CSMD1: variants seen among roughly 807,000 people sequenced by gnomAD.
CSMD1 encodes CUB and Sushi multiple domains 1.
In CSMD1, 213 loss-of-function variants were observed where a neutral mutation model predicts 417.5. That is an observed-to-expected ratio of 0.51 (90% confidence interval 0.46 to 0.57). The LOEUF (loss-of-function observed/expected upper bound fraction) is 0.57. CSMD1 is among the 20% of genes least tolerant of loss of function. The pLI is 0.00. For synonymous variants in CSMD1, 2,862 were observed against 1,736.8 expected (o/e 1.65, Z -16.11); for missense variants, 6,923 against 4,529.7 (o/e 1.53, Z -15.17).
chr8:3,823,385 A>C (rs1055250514), intron 5 of CSMD1, among the ~76,000 whole-genome samples: 1 of 152,188 alleles, frequency 6.6e-6, no homozygotes, highest in Non-Finnish European at 1.5e-5. Context: ...GGAAAGTTAA[A>C]TACTGTTAGA....
chr8:4,909,465 C>A lies in CSMD1; in HGVS notation c.85+84867G>T, dbSNP rs538960314. 9.2e-5 allele frequency among the ~76,000 whole-genome samples: 14 copies of A among 152,266 alleles called. No individual in the cohort carries two copies. The South Asian group carries it at 2.9e-3, about 32-fold the overall frequency. The stretch of plus-strand genomic sequence containing the variant: ...GGGTCTGTCTGACATGGAAGTAACA[C>A]CCTTCCCTGATAACCTTCTAGCAGA... On this transcript the variant is annotated intron_variant, in intron 1 of 69. Coordinates refer to ENST00000635120, the MANE Select transcript of CSMD1 (RefSeq NM_033225.6).
chr8:3,371,100 G>A lies in CSMD1; in HGVS notation c.2783-1730C>T, dbSNP rs977697912. On this transcript the variant is annotated intron_variant, in intron 18 of 69. Transcript: ENST00000635120. ...ATCAGACCCAGAACATACATCTTCA[G>A]CTCCCCTGGTTCCCAGGTCTTCAGT... Among the ~76,000 whole-genome samples the A allele has an allele frequency of 7.2e-5, 11 of 152,256 alleles. No individual in the cohort carries two copies. The East Asian group carries it at 1.7e-3, about 24-fold the overall frequency.
At chr8:3,215,223 T>C (rs746527441) in intron 29 of CSMD1, among the ~76,000 whole-genome samples, 4 of 152,234 alleles carry the variant, frequency 2.6e-5, no homozygotes, top group South Asian at 2.1e-4. Flanking sequence ...AAGATGAAGA[T>C]GGATGCTTGT....
intron 5 of CSMD1, among the ~76,000 whole-genome samples, chr8:3,844,430 C>A (rs1339337967): frequency 6.6e-6 from 1 of 152,186 alleles, no homozygotes; most frequent in East Asian, 1.9e-4. Context: ...AGAACCTTTA[C>A]ACTATGATCC....
chr8:3,481,372 C>A (rs925820494), intron 11 of CSMD1, among the ~76,000 whole-genome samples: 2 of 152,064 alleles, frequency 1.3e-5, no homozygotes, highest in Non-Finnish European at 2.9e-5. Flanking sequence ...ATTGAAACAA[C>A]AATTAGAACA....
intron 42 of CSMD1, chr8:3,113,395 T>G (rs772932145): frequency 6.6e-6 from 1 of 152,288 alleles, no homozygotes; most frequent in African/African-American, 2.4e-5. Context: ...AGAGCGTTGC[T>G]GGGCAAGACA....
chr8:3,903,920 A>T (rs1415879468), intron 5 of CSMD1, among the ~76,000 whole-genome samples: 5 of 152,014 alleles, frequency 3.3e-5, no homozygotes, highest in Non-Finnish European at 7.4e-5. Context: ...ACTACCATGT[A>T]CCTCTTTGGT....
chr8:3,560,011 G>C (rs73505748), intron 10 of CSMD1, among the ~76,000 whole-genome samples: 18 of 152,076 alleles, frequency 1.2e-4, no homozygotes, highest in Non-Finnish European at 2.1e-4. Context: ...AGTGGCCAGC[G>C]TAAGGGATTT....
chr8:4,794,254 A>C (rs1306498370), intron 1 of CSMD1, among the ~76,000 whole-genome samples: 1 of 152,088 alleles, frequency 6.6e-6, no homozygotes, highest in Non-Finnish European at 1.5e-5. Flanking sequence ...ATTTTGAAAA[A>C]TCCCACATTG....
chr8:4,894,670 CTTGAT>C lies in CSMD1; in HGVS notation c.85+99657_85+99661del, dbSNP rs1268221876. Reference sequence around the variant, plus strand: ...CAAAGGGATTTTAATGTGTTTCATTCTTGATTTAAGTCAAGTTATCTGAAAGACTG... The same window carrying C: ...CAAAGGGATTTTAATGTGTTTCATTCTTAAGTCAAGTTATCTGAAAGACTG... On this transcript the variant is annotated intron_variant, in intron 1 of 69. Coordinates refer to ENST00000635120, the MANE Select transcript of CSMD1 (RefSeq NM_033225.6). Among the ~76,000 whole-genome samples, 13 of 150,856 alleles carry C rather than the reference CTTGAT, an allele frequency of 8.6e-5. No individual in the cohort carries two copies. In the East Asian group the frequency reaches 9.8e-4, roughly 11 times the overall value.
chr8:4,911,592 G>A (rs183252538), intron 1 of CSMD1, among the ~76,000 whole-genome samples: 41 of 152,262 alleles, frequency 2.7e-4, no homozygotes, highest in Non-Finnish European at 5.3e-4. Context: ...GGATCTCAGA[G>A]CTCTCCTGAC....
chr8:4,111,954 C>G (rs1801879471), intron 3 of CSMD1, among the ~76,000 whole-genome samples: 1 of 151,654 alleles, frequency 6.6e-6, no homozygotes, highest in South Asian at 2.1e-4. Context: ...AGCACAGTCT[C>G]TGTAATTTTA....
chr8:4,000,916 A>C (rs1815621776), intron 4 of CSMD1, among the ~76,000 whole-genome samples: 1 of 152,142 alleles, frequency 6.6e-6, no homozygotes, highest in Non-Finnish European at 1.5e-5. Flanking sequence ...ATCAAAGTCC[A>C]CGTTACCAAA....
chr8:3,867,068 C>G (rs1279219521), intron 5 of CSMD1, among the ~76,000 whole-genome samples: 2 of 152,066 alleles, frequency 1.3e-5, no homozygotes, highest in African/African-American at 2.4e-5. Flanking sequence ...TTTACTTTTC[C>G]AACCAGTTTT....
At chr8:3,769,686 T>C (rs2129058442) in intron 5 of CSMD1, among the ~76,000 whole-genome samples, 1 of 152,326 alleles carries the variant, frequency 6.6e-6, no homozygotes, top group South Asian at 2.1e-4. Flanking sequence ...ATATATGATG[T>C]GTGAATTCTG....
chr8:3,091,706 A>C, intron 47 of CSMD1, 44 bp from the exon 48 acceptor site: 1 of 1,573,200 alleles, frequency 6.4e-7, no homozygotes. Context: ...ATGAGTGAGC[A>C]CCTACCAAAT....
chr8:3,997,245 C>G (rs996396341), intron 5 of CSMD1, among the ~76,000 whole-genome samples: 1 of 152,208 alleles, frequency 6.6e-6, no homozygotes, highest in African/African-American at 2.4e-5. Context: ...TCAAATGGCA[C>G]TTATGGACAC....
chr8:3,732,916 T>C (rs1386620939), intron 6 of CSMD1, among the ~76,000 whole-genome samples: 1 of 152,184 alleles, frequency 6.6e-6, no homozygotes, highest in East Asian at 1.9e-4. Flanking sequence ...CTATCATCTA[T>C]CATACAACTA....
At chr8:3,679,626 C>G (rs912884370) in intron 7 of CSMD1, among the ~76,000 whole-genome samples, 6 of 152,076 alleles carry the variant, frequency 3.9e-5, no homozygotes, top group Admixed American at 6.6e-5. Flanking sequence ...GACAGATCAA[C>G]AAGACAGCAA....
Sources: allele counts gnomAD v4.1 joint callset (sites outside exome capture counted in the v4.1 genomes callset), GRCh38; gene constraint gnomAD v4.1.1; transcripts MANE v1.5; gene names NCBI Gene and HGNC (gene_info 2026-07-23, HGNC 2026-07-21).